DIP2C: variants seen among roughly 807,000 people sequenced by gnomAD.
DIP2C encodes the protein disco-interacting protein 2 homolog C.
Under a neutral mutation model 192.4 loss-of-function variants are expected in DIP2C, and 33 were observed. The observed-to-expected ratio is 0.17, with a 90% confidence interval of 0.13 to 0.23. DIP2C has a LOEUF of 0.23. Ranked by LOEUF, DIP2C falls within the 10% of genes least tolerant of loss-of-function variation. The pLI, the probability that DIP2C is intolerant of heterozygous loss-of-function variation, is 1.00. For missense variants in DIP2C, 1,537 were observed against 2,110.1 expected, an observed-to-expected ratio of 0.73 and a Z score of 5.32; for synonymous variants, 979 against 864.1, an observed-to-expected ratio of 1.13 and a Z score of -2.33.
chr10:529,459 G>A (rs60500243), intron 1 of DIP2C, among the ~76,000 whole-genome samples: 25 of 138,130 alleles, frequency 1.8e-4, no homozygotes, highest in South Asian at 5.8e-4. Context: ...TTCGTTTTCC[G>A]TCCTTAAAAG....
intron 6 of DIP2C, 26 bp from the exon 7 acceptor site, chr10:415,914 G>C (rs1188156084): frequency 6.2e-7 from 1 of 1,613,230 alleles, no homozygotes; most frequent in African/African-American, 1.3e-5. Flanking sequence ...CAGCGGGTGG[G>C]GAAAGCGATC....
At chr10:512,133 G>A (rs1158453865) in intron 1 of DIP2C, among the ~76,000 whole-genome samples, 1 of 152,230 alleles carries the variant, frequency 6.6e-6, no homozygotes, top group African/African-American at 2.4e-5. Context: ...GCAATGTCGT[G>A]TTGACAATTT....
intron 4 of DIP2C, 94 bp from the exon 5 acceptor site, chr10:423,127 G>A (rs1214718710): frequency 1.7e-6 from 2 of 1,191,284 alleles, no homozygotes; most frequent in Non-Finnish European, 2.3e-6. Flanking sequence ...CTTCACGTAA[G>A]TCTCAATAGT....
In DIP2C at chr10:369,549, C is replaced by T. The variant is rs144196896; in HGVS notation, c.2076G>A (p.Ser692=). The stretch of plus-strand genomic sequence containing the variant: ...CGGTGAGCACGGACAGCTTCTCTTC[C>T]GAGTCCACACGAATGACCCCATAGG... ...GLTYGVIRVD[S]EEKLSVLTVQ... The change falls in exon 18 of 37, where the codon TCG becomes TCA. Residue 692 remains serine, a synonymous_variant. Transcript: ENST00000280886. 31 of 1,591,482 alleles carry T rather than the reference C, an allele frequency of 1.9e-5. No homozygotes were observed. The highest frequency in any genetic ancestry group is 1.5e-4 in the Admixed American group (9 of 58,726).
chr10:535,015 G>A (rs994181756), intron 1 of DIP2C, among the ~76,000 whole-genome samples: 3 of 152,120 alleles, frequency 2.0e-5, no homozygotes, highest in South Asian at 2.1e-4. Flanking sequence ...TTAAGAGCTC[G>A]GTGTACACAA....
chr10:521,615 T>C (rs1044991576), intron 1 of DIP2C, among the ~76,000 whole-genome samples: 3 of 152,230 alleles, frequency 2.0e-5, no homozygotes, highest in African/African-American at 7.2e-5. Context: ...AGCTCACTGA[T>C]ACTGTAATTA....
intron 1 of DIP2C, among the ~76,000 whole-genome samples, chr10:532,804 G>A (rs1162654267): frequency 1.3e-5 from 2 of 150,822 alleles, no homozygotes; most frequent in Non-Finnish European, 2.9e-5. Context: ...TGGTGGCGGG[G>A]GTCCTTGTTC....
rs1256524196 is a variant in DIP2C, at chr10:674,781, TATATATATAGAG to T, written c.85+14701_85+14712del. ...CAAAACTCCATCTCAAATATATATA[TATATATATAGAG>T]AGAGAGAGAGAGAGAGAGAGAGAGA... On this transcript the variant is annotated intron_variant, in intron 1 of 36. Transcript: ENST00000280886. Among the ~76,000 whole-genome samples, 14 of 98,022 alleles carry T rather than the reference TATATATATAGAG, an allele frequency of 1.4e-4. No homozygotes were observed. In the East Asian group the frequency reaches 3.5e-3, roughly 25 times the overall value. The allele number at this position is 98,022 out of a possible 152,430, so 64.3% of individuals were successfully genotyped here. A position where few individuals can be genotyped will look rare whatever the true frequency, so the allele number is the denominator to read the frequency against.
In DIP2C at chr10:651,838, A is replaced by G; in HGVS notation, c.85+37656T>C. The G allele has an allele frequency of 4.6e-6, 1 of 218,036 alleles. No individual in the cohort carries two copies. The highest frequency in any genetic ancestry group is 6.7e-5 in the South Asian group (1 of 14,880). The allele number at this position is 218,036 out of a possible 1,614,324, so 13.5% of individuals were successfully genotyped here. A position where few individuals can be genotyped will look rare whatever the true frequency, so the allele number is the denominator to read the frequency against. On this transcript the variant is annotated intron_variant, in intron 1 of 36. Coordinates refer to ENST00000280886, the MANE Select transcript of DIP2C (RefSeq NM_014974.3). The surrounding 1 kb of genome is among the most constrained non-coding windows in gnomAD (Gnocchi z 4.1). ...GAGAGAGATGGTGTGGGGCGAAACC[A>G]ATGGGGAAACTACAAAAGAAACCAC...
Position 558,084 on chromosome 10 carries a change from T to C in DIP2C, c.86-71554A>G, listed in dbSNP as rs150974712. 4.8e-3 allele frequency among the ~76,000 whole-genome samples: 732 copies of C among 152,284 alleles called. 5 individuals carry two copies. Among genetic ancestry groups the C allele is most frequent in the African/African-American group, 0.016 (685 of 41,546 alleles). ...GCATCTTCAGATTAGGGTAGTGTCCTGGTTTCACGCTTGCCTCATATGACA... is the reference window on the plus strand; with the variant it reads ...GCATCTTCAGATTAGGGTAGTGTCCCGGTTTCACGCTTGCCTCATATGACA... On this transcript the variant is annotated intron_variant, in intron 1 of 36. Transcript: ENST00000280886.
chr10:644,240 A>G (rs1001441660), intron 1 of DIP2C, among the ~76,000 whole-genome samples: 4 of 152,224 alleles, frequency 2.6e-5, no homozygotes, highest in Admixed American at 6.5e-5. Flanking sequence ...CGGGCCCAAG[A>G]GTGGGGATGG....
At position 689,656 on chromosome 10, in the gene DIP2C, G is replaced by A. The variant is rs1327512199; in HGVS notation, c.-78C>T. 1.1e-5 allele frequency: 11 copies of A among 974,182 alleles called. No homozygotes were observed. Among genetic ancestry groups the A allele is most frequent in the Non-Finnish European group, 1.4e-5 (11 of 805,810 alleles). The allele number at this position is 974,182 out of a possible 1,614,324, so 60.3% of individuals were successfully genotyped here. On this transcript the variant is annotated 5_prime_UTR_variant, in exon 1 of 37. Coordinates refer to ENST00000280886, the MANE Select transcript of DIP2C (RefSeq NM_014974.3). This position sits in a 1 kb window ranked among gnomAD's most constrained non-coding sequence, Gnocchi z 6.1. ...TCTCGGCGGCTCCTCGCGCCCGGCGGAACCGCACCGAGGAGGAGGCGGCGG... is the reference window on the plus strand; with the variant it reads ...TCTCGGCGGCTCCTCGCGCCCGGCGAAACCGCACCGAGGAGGAGGCGGCGG...
intron 1 of DIP2C, among the ~76,000 whole-genome samples, chr10:612,848 G>A (rs1853192161): frequency 6.6e-6 from 1 of 152,224 alleles, no homozygotes. Context: ...AAGTCAAGAA[G>A]TGTCAGGTTC....
chr10:470,065 G>C (rs1003246963), intron 3 of DIP2C, among the ~76,000 whole-genome samples: 2 of 152,154 alleles, frequency 1.3e-5, no homozygotes, highest in Admixed American at 1.3e-4. Flanking sequence ...ATAGATGGAC[G>C]GATGGTGGAC....
rs1034253993 is a variant in DIP2C at position 651,342 on chromosome 10, T to A, written c.85+38152A>T. The A allele has an allele frequency of 1.4e-6, 1 of 703,114 alleles. No individual in the cohort carries two copies. Among genetic ancestry groups the A allele is most frequent in the Non-Finnish European group, 2.6e-6 (1 of 384,952 alleles). 43.6% of individuals were successfully genotyped at this position (703,114 alleles called of 1,614,324 possible). A position where few individuals can be genotyped will look rare whatever the true frequency, so the allele number is the denominator to read the frequency against. Reference sequence around the variant, plus strand: ...ACGATCCCATCAGGAACCACCTACTTTTGCATCCCCAGCACTGTGCTCAGG... The same window carrying A: ...ACGATCCCATCAGGAACCACCTACTATTGCATCCCCAGCACTGTGCTCAGG... On this transcript the variant is annotated intron_variant, in intron 1 of 36. Coordinates refer to ENST00000280886, the MANE Select transcript of DIP2C (RefSeq NM_014974.3). This position sits in a 1 kb window ranked among gnomAD's most constrained non-coding sequence, Gnocchi z 4.1.
At chr10:645,159 G>A (rs2131961522) in intron 1 of DIP2C, among the ~76,000 whole-genome samples, 1 of 152,300 alleles carries the variant, frequency 6.6e-6, no homozygotes, top group Middle Eastern at 3.4e-3. Context: ...CTACAACACT[G>A]GATTCCAAAA....
chr10:487,598 G>A, intron 1 of DIP2C, among the ~76,000 whole-genome samples: 1 of 61,024 alleles, frequency 1.6e-5, no homozygotes, highest in East Asian at 5.2e-4. Flanking sequence ...TTTTTTTTTT[G>A]AGACAGTCTC....
chr10:348,901 G>A (rs1589566966), intron 25 of DIP2C, 139 bp from the exon 26 acceptor site: 2 of 1,327,116 alleles, frequency 1.5e-6, no homozygotes, highest in East Asian at 4.9e-5. Flanking sequence ...CCGTCATCCT[G>A]GCGGGTTTTG....
intron 1 of DIP2C, among the ~76,000 whole-genome samples, chr10:603,298 CAAAAAAAAAAAAAAAAAAAAAA>C (rs71376842): frequency 4.4e-5 from 2 of 45,882 alleles, no homozygotes; most frequent in East Asian, 5.2e-4. Context: ...GACTCCATCT[CAAAAAAAAAAAAAAAAAAAAAA>C]AAAAAAAAAA....
Sources: allele counts gnomAD v4.1 joint callset (sites outside exome capture counted in the v4.1 genomes callset), GRCh38; gene constraint gnomAD v4.1.1; non-coding constraint Gnocchi (gnomAD v3.1); transcripts MANE v1.5; gene names NCBI Gene and HGNC (gene_info 2026-07-23, HGNC 2026-07-21).